Variants in ACBD5 observed in about 807,000 individuals in gnomAD.
ACBD5 encodes acyl-CoA binding domain containing 5.
In ACBD5, 40 loss-of-function variants were observed where a neutral mutation model predicts 71.8. The ratio of observed to expected loss-of-function variants is 0.56; its 90% CI spans 0.43 to 0.72. The LOEUF (loss-of-function observed/expected upper bound fraction) is 0.72, where lower values mean the gene tolerates loss of function less well. Ranked by LOEUF, ACBD5 falls within the 30% of genes least tolerant of loss-of-function variation. The pLI is 0.00. For missense variants in ACBD5, 559 were observed against 644.5 expected (o/e 0.87, Z 1.44); for synonymous variants, 229 against 218.6 (o/e 1.05, Z -0.42).
chr10:27,213,994 A>G (rs544297022), intron 8 of ACBD5, among the ~76,000 whole-genome samples: 71 of 152,362 alleles, frequency 4.7e-4, no homozygotes, highest in South Asian at 1.0e-3. Flanking sequence ...ACCATAAAAA[A>G]GAATGAGATC....
intron 4 of ACBD5, among the ~76,000 whole-genome samples, chr10:27,226,449 T>C (rs1589271173): frequency 7.4e-6 from 1 of 135,052 alleles, no homozygotes; most frequent in Non-Finnish European, 1.5e-5. Flanking sequence ...AGATACAGAC[T>C]ACACACACAC....
At position 27,204,441 on chromosome 10, in the gene ACBD5, T is replaced by C; in HGVS notation, c.1564A>G (p.Arg522Gly). ...LVYLYYQRRRRKLN is the reference protein window; with the variant it reads ...LVYLYYQRRRGKLN ...TTCAAATGATGAAACTGGTCTTACC[T>C]TCTCCTTCTTTGATAGTATAAATAC... Residue 522 changes from arginine to glycine, a missense_variant and splice_region_variant, in exon 12 of 13, where the codon AGA becomes GGA. By Grantham distance (125) the Arg-to-Gly change is moderately radical. Transcript: ENST00000396271. 6.2e-7 allele frequency: 1 copy of C among 1,609,086 alleles called. No individual in the cohort carries two copies. Among genetic ancestry groups the C allele is most frequent in the Non-Finnish European group, 8.5e-7 (1 of 1,175,542 alleles).
At position 27,197,002 on chromosome 10, in the gene ACBD5, G is replaced by C; in HGVS notation, c.*428C>G. The C allele has an allele frequency of 2.2e-6, 1 of 448,928 alleles. No individual in the cohort carries two copies. The highest frequency in any genetic ancestry group is 4.4e-6 in the Non-Finnish European group (1 of 224,784). 27.8% of individuals were successfully genotyped at this position (448,928 alleles called of 1,614,324 possible). On this transcript the variant is annotated 3_prime_UTR_variant, in exon 13 of 13. Coordinates refer to ENST00000396271, the MANE Select transcript of ACBD5 (RefSeq NM_145698.5). ...ACATCTCATTTGAAATTCACTCCTG[G>C]TTTGCATTCTTTCTTTTATTTAATT...
intron 10 of ACBD5, among the ~76,000 whole-genome samples, chr10:27,206,293 T>A (rs112388219): frequency 0.04 from 6,005 of 151,818 alleles, 145 homozygotes; most frequent in African/African-American, 0.067. Context: ...AGATATTGAA[T>A]ATATGTAAAA....
At chr10:27,200,763 C>T (rs564737147) in intron 12 of ACBD5, among the ~76,000 whole-genome samples, 1 of 152,206 alleles carries the variant, frequency 6.6e-6, no homozygotes, top group African/African-American at 2.4e-5. Context: ...CCGGCCTATT[C>T]CTCTACTTTC....
At chr10:27,242,022 G>C (rs1238845889), upstream of ACBD5, 1 of 453,436 alleles carries the variant, frequency 2.2e-6, no homozygotes, top group Admixed American at 2.4e-5. Flanking sequence ...CAGATCGTAA[G>C]TTACTCTTCC....
chr10:27,214,386 A>G (rs2061413919), intron 8 of ACBD5, among the ~76,000 whole-genome samples: 1 of 151,858 alleles, frequency 6.6e-6, no homozygotes, highest in African/African-American at 2.4e-5. Context: ...TATATTTTAC[A>G]AAAATAAAGT....
At chr10:27,192,349 ACT>A (rs781780230), downstream of ACBD5, among the ~76,000 whole-genome samples, 273 of 151,978 alleles carry the variant, frequency 1.8e-3, no homozygotes, top group Admixed American at 3.7e-3. Flanking sequence ...TGGCTTAAAC[ACT>A]CTCTCTCTCC....
chr10:27,216,680 T>C (rs1404315548), intron 7 of ACBD5, among the ~76,000 whole-genome samples: 1 of 152,228 alleles, frequency 6.6e-6, no homozygotes, highest in Non-Finnish European at 1.5e-5. Context: ...ACTTTAAATT[T>C]AGTTGATAAT....
chr10:27,183,786 C>T (rs1371839419), intron 13 of ACBD5, among the ~76,000 whole-genome samples: 1 of 151,988 alleles, frequency 6.6e-6, no homozygotes, highest in South Asian at 2.1e-4. Context: ...AGCACAATCT[C>T]GGCTCACTGC....
Position 27,240,447 on chromosome 10 carries a change from C to G in ACBD5, c.53G>C (p.Cys18Ser). 2 of 1,613,836 alleles carry G rather than the reference C, an allele frequency of 1.2e-6. No individual in the cohort carries two copies. The highest frequency in any genetic ancestry group is 1.7e-6 in the Non-Finnish European group (2 of 1,179,864). Residue 18 changes from cysteine to serine, a missense_variant, in exon 2 of 13, where the codon TGC becomes TCC. Physicochemically the swap from Cys to Ser is moderately radical, Grantham distance 112 (BLOSUM62 -1). Coordinates refer to ENST00000396271, the MANE Select transcript of ACBD5 (RefSeq NM_145698.5). This position sits in a 1 kb window ranked among gnomAD's most constrained non-coding sequence, Gnocchi z 4.1. The stretch of plus-strand genomic sequence containing the variant: ...CCAAGGTCTGTCGGCGGGAATCAGG[C>G]AGCAGCAGCACCAGCTTTCCCAAGA... ...AGSWESWCCC[C>S]LIPADRPWDR...
Position 27,208,402 on chromosome 10 carries a change from C to A in ACBD5, c.1248G>T (p.Gln416His). Residue 416 changes from glutamine (Q) to histidine (H), a missense_variant, in exon 10 of 13, where the codon CAG (glutamine) becomes CAT (histidine). Gln to His is a conservative substitution (Grantham distance 24). Transcript: ENST00000396271. ...GCTCCCCATCACCTCCACTTCCCACCTGCCGGCCCTTGGTTCCTTCGCTCA... is the reference window on the plus strand; with the variant it reads ...GCTCCCCATCACCTCCACTTCCCACATGCCGGCCCTTGGTTCCTTCGCTCA... ...QHLSEGTKGR[Q>H]VGSGGDGERW... 1 of 1,614,180 alleles carries A rather than the reference C, an allele frequency of 6.2e-7. No individual in the cohort carries two copies. Among genetic ancestry groups the A allele is most frequent in the Non-Finnish European group, 8.5e-7 (1 of 1,180,042 alleles).
At chr10:27,215,267 C>T (rs2061501490) in intron 8 of ACBD5, among the ~76,000 whole-genome samples, 1 of 152,076 alleles carries the variant, frequency 6.6e-6, no homozygotes, top group African/African-American at 2.4e-5. Context: ...TCTGCATCCC[C>T]ATCCCACGTC....
At chr10:27,230,814 G>T (rs115570269) in intron 4 of ACBD5, among the ~76,000 whole-genome samples, 3,302 of 77,016 alleles carry the variant, frequency 0.043, 126 homozygotes, top group African/African-American at 0.13. Flanking sequence ...AAAAAAAAAA[G>T]ACTCTATGAT....
chr10:27,215,851 C>G (rs901437499), intron 7 of ACBD5, among the ~76,000 whole-genome samples: 7 of 151,324 alleles, frequency 4.6e-5, no homozygotes, highest in East Asian at 2.0e-4. Flanking sequence ...AGGTGCCCAC[C>G]ACCATGCCCA....
intron 5 of ACBD5, 130 bp downstream of exon 5, chr10:27,223,207 CT>C (rs1176753244): frequency 1.3e-6 from 1 of 753,912 alleles, no homozygotes; most frequent in Non-Finnish European, 2.4e-6. Flanking sequence ...TGATTCCTAC[CT>C]TCTAAACATT....
intron 11 of ACBD5, 25 bp downstream of exon 11, chr10:27,205,173 T>A (rs199907248): frequency 3.7e-6 from 6 of 1,603,950 alleles, no homozygotes; most frequent in Non-Finnish European, 8.5e-7. Flanking sequence ...ACCCTGGCAT[T>A]TAAATTTTTT....
chr10:27,213,862 G>A (rs911504464), intron 8 of ACBD5, among the ~76,000 whole-genome samples: 5 of 152,116 alleles, frequency 3.3e-5, no homozygotes, highest in Admixed American at 6.6e-5. Context: ...AGAGATATCA[G>A]CACTCCCATG....
At position 27,195,844 on chromosome 10, in the gene ACBD5, T is replaced by C. The variant is rs1226934250; in HGVS notation, c.*1586A>G. 10 of 446,958 alleles carry C rather than the reference T, an allele frequency of 2.2e-5. No individual in the cohort carries two copies. The highest frequency in any genetic ancestry group is 4.5e-5 in the Non-Finnish European group (10 of 224,636). The allele number at this position is 446,958 out of a possible 1,614,324, so 27.7% of individuals were successfully genotyped here. On this transcript the variant is annotated 3_prime_UTR_variant, in exon 13 of 13. Transcript: ENST00000396271. ...TGTATACTAAAGACAGATTATTTCT[T>C]ATTTAAAACACTGTGAACATATGAT...
Sources: gnomAD v4.1 joint callset for allele counts (sites outside exome capture counted in the v4.1 genomes callset) on GRCh38, gnomAD v4.1.1 for gene constraint, Gnocchi (gnomAD v3.1) non-coding constraint, MANE v1.5 for transcripts, NCBI Gene and HGNC (gene_info 2026-07-23, HGNC 2026-07-21) for gene names.